The following NRXN3 variants were observed in gnomAD, a reference collection of about 807,000 sequenced individuals.
NRXN3 encodes the protein neurexin III.
In NRXN3, 32 loss-of-function variants were observed where a neutral mutation model predicts 137.6. The ratio of observed to expected loss-of-function variants is 0.23; its 90% CI spans 0.18 to 0.31. The LOEUF (loss-of-function observed/expected upper bound fraction) is 0.31, where lower values mean the gene tolerates loss of function less well. NRXN3 is among the 10% of genes least tolerant of loss of function. The pLI, the probability that NRXN3 is intolerant of heterozygous loss-of-function variation, is 1.00. For missense variants in NRXN3, 1,574 were observed against 2,062.5 expected (o/e 0.76, Z 4.59); for synonymous variants, 798 against 784.5 (o/e 1.02, Z -0.29).
At chr14:78,542,802 T>G (rs1453699123) in intron 4 of NRXN3, among the ~76,000 whole-genome samples, 1 of 152,210 alleles carries the variant, frequency 6.6e-6, no homozygotes, top group Non-Finnish European at 1.5e-5. Context: ...CTGGAGCTGT[T>G]ACTATTTGGC....
intron 16 of NRXN3, among the ~76,000 whole-genome samples, chr14:79,586,333 G>A (rs1314416028): frequency 6.6e-6 from 1 of 152,194 alleles, no homozygotes; most frequent in East Asian, 1.9e-4. Flanking sequence ...AGCAAAGAAT[G>A]TAAAATAGAA....
chr14:79,543,073 C>T (rs1036375547), intron 16 of NRXN3, among the ~76,000 whole-genome samples: 2 of 152,170 alleles, frequency 1.3e-5, no homozygotes, highest in African/African-American at 4.8e-5. Context: ...ATACTGGCTT[C>T]TGTAGGCTCT....
At chr14:79,550,748 G>A (rs879534798) in intron 16 of NRXN3, among the ~76,000 whole-genome samples, 22 of 152,120 alleles carry the variant, frequency 1.4e-4, no homozygotes, top group South Asian at 4.1e-4. Flanking sequence ...AAACAAAGGC[G>A]TCTGCTGGCT....
chr14:78,809,745 G>C (rs2098899246), intron 9 of NRXN3, among the ~76,000 whole-genome samples: 1 of 152,120 alleles, frequency 6.6e-6, no homozygotes. Flanking sequence ...TTTGATTTTA[G>C]AAAAAGAGAA....
intron 15 of NRXN3, among the ~76,000 whole-genome samples, chr14:79,105,803 G>C (rs2052317758): frequency 6.6e-6 from 1 of 152,106 alleles, no homozygotes. Context: ...TGGGCCTGGG[G>C]CAGGTTCACA....
intron 15 of NRXN3, among the ~76,000 whole-genome samples, chr14:79,286,225 T>A (rs968465474): frequency 6.6e-6 from 1 of 152,094 alleles, no homozygotes; most frequent in Non-Finnish European, 1.5e-5. Flanking sequence ...ACCCAGACCC[T>A]CCACTCCTGC....
intron 4 of NRXN3, among the ~76,000 whole-genome samples, chr14:78,538,002 G>C (rs2096552815): frequency 6.6e-6 from 1 of 152,144 alleles, no homozygotes; most frequent in Admixed American, 6.6e-5. Context: ...ATGCTGTTTT[G>C]GTTACTATAG....
chr14:78,611,267 TG>T (rs1566885567), intron 4 of NRXN3, among the ~76,000 whole-genome samples: 3 of 152,172 alleles, frequency 2.0e-5, no homozygotes, highest in Non-Finnish European at 4.4e-5. Flanking sequence ...GCTGTCATGC[TG>T]GGGGGATTTA....
intron 6 of NRXN3, among the ~76,000 whole-genome samples, chr14:78,653,405 C>G (rs1269222236): frequency 6.6e-6 from 1 of 152,190 alleles, no homozygotes; most frequent in Admixed American, 6.5e-5. Flanking sequence ...AAGGACATGG[C>G]TCAGGAATGA....
intron 10 of NRXN3, among the ~76,000 whole-genome samples, chr14:78,912,027 G>C (rs915632446): frequency 6.6e-6 from 1 of 150,792 alleles, no homozygotes; most frequent in Non-Finnish European, 1.5e-5. Flanking sequence ...CCATTAACTC[G>C]TCATTTAGCA....
chr14:79,797,776 G>GT (rs2099165407), intron 19 of NRXN3, among the ~76,000 whole-genome samples: 1 of 151,928 alleles, frequency 6.6e-6, no homozygotes, highest in South Asian at 2.1e-4. Context: ...CAAGCTCTAT[G>GT]TTTTTTCTAG....
intron 11 of NRXN3, among the ~76,000 whole-genome samples, chr14:78,963,586 C>A: frequency 6.6e-6 from 1 of 152,104 alleles, no homozygotes; most frequent in East Asian, 1.9e-4. Context: ...ATTTTCACAG[C>A]CTGTCTGATT....
chr14:78,384,216 T>C (rs1354386702), intron 4 of NRXN3, among the ~76,000 whole-genome samples: 1 of 152,120 alleles, frequency 6.6e-6, no homozygotes, highest in Non-Finnish European at 1.5e-5. Flanking sequence ...TGAGAATCAT[T>C]TTCTCTAGAT....
intron 19 of NRXN3, among the ~76,000 whole-genome samples, chr14:79,790,814 T>C (rs1439014223): frequency 8.6e-5 from 13 of 151,684 alleles, no homozygotes; most frequent in African/African-American, 3.2e-4. Flanking sequence ...AGAGGCAGGG[T>C]TTCACCATCT....
At chr14:78,794,937 C>CAA (rs59817830) in intron 8 of NRXN3, among the ~76,000 whole-genome samples, 72 of 142,444 alleles carry the variant, frequency 5.1e-4, no homozygotes, top group Non-Finnish European at 6.9e-4. Context: ...AACAAACAAA[C>CAA]AAAAAAAAAA....
At chr14:78,866,808 T>C (rs1303648629) in intron 10 of NRXN3, among the ~76,000 whole-genome samples, 1 of 149,792 alleles carries the variant, frequency 6.7e-6, no homozygotes, top group Non-Finnish European at 1.5e-5. Flanking sequence ...TTTTTTTTTT[T>C]TTTTTTTGAG....
intron 4 of NRXN3, among the ~76,000 whole-genome samples, chr14:78,472,692 C>T (rs1187108433): frequency 6.6e-6 from 1 of 152,116 alleles, no homozygotes; most frequent in Non-Finnish European, 1.5e-5. Context: ...CTTAAAAGTT[C>T]AGATGATACA....
At chr14:78,485,045 CTA>C (rs1197826924) in intron 4 of NRXN3, among the ~76,000 whole-genome samples, 2 of 152,144 alleles carry the variant, frequency 1.3e-5, no homozygotes, top group African/African-American at 4.8e-5. Context: ...TTGGTCCTGT[CTA>C]TGTTACTGTG....
At chr14:78,457,485 T>C (rs996887667) in intron 4 of NRXN3, among the ~76,000 whole-genome samples, 5 of 152,242 alleles carry the variant, frequency 3.3e-5, no homozygotes, top group African/African-American at 1.2e-4. Context: ...TCTGAGTTCT[T>C]TGACTCAGGG....
Sources: allele counts gnomAD v4.1 joint callset (sites outside exome capture counted in the v4.1 genomes callset), GRCh38; gene constraint gnomAD v4.1.1; transcripts MANE v1.5; gene names NCBI Gene and HGNC (gene_info 2026-07-23, HGNC 2026-07-21).